The following SPEF2 variants were observed in gnomAD, a reference collection of about 807,000 sequenced individuals.
The protein encoded by SPEF2 is sperm flagella and cilia-associated protein 2.
A neutral mutation model predicts 224.6 loss-of-function variants in SPEF2; 187 were observed. That is an observed-to-expected ratio of 0.83 (90% CI 0.74 to 0.94). The LOEUF is 0.94. Ranked by LOEUF, SPEF2 falls within the 40% of genes least tolerant of loss-of-function variation. The pLI, the probability that SPEF2 is intolerant of heterozygous loss-of-function variation, is 0.00. For synonymous variants in SPEF2, 715 were observed against 707.3 expected (o/e 1.01, Z -0.17); for missense variants, 2,170 against 2,135.6 (o/e 1.02, Z -0.32).
At chr5:35,782,767 T>A (rs900928722) in intron 30 of SPEF2, among the ~76,000 whole-genome samples, 3 of 151,548 alleles carry the variant, frequency 2.0e-5, no homozygotes, top group Admixed American at 2.0e-4. Flanking sequence ...TAGCCCTTAC[T>A]AAAGATAACA....
chr5:35,764,403 G>A, intron 26 of SPEF2: 1 of 361,942 alleles, frequency 2.8e-6, no homozygotes, highest in East Asian at 7.3e-5. Context: ...TGACTTCAAA[G>A]CTTATATCAT....
chr5:35,764,669 G>A (rs1751851492), intron 26 of SPEF2: 2 of 456,088 alleles, frequency 4.4e-6, no homozygotes, highest in South Asian at 3.1e-5. Context: ...AGTGGTAGAA[G>A]AGGACCTTGC....
At chr5:35,730,622 A>G (rs1270759261) in intron 21 of SPEF2, among the ~76,000 whole-genome samples, 1 of 152,250 alleles carries the variant, frequency 6.6e-6, no homozygotes, top group Non-Finnish European at 1.5e-5. Flanking sequence ...AGAGGGGGCT[A>G]TGGAGGACTT....
chr5:35,662,758 G>C (rs901637291), intron 8 of SPEF2, among the ~76,000 whole-genome samples: 1 of 152,148 alleles, frequency 6.6e-6, no homozygotes, highest in African/African-American at 2.4e-5. Flanking sequence ...TCTTATTTCT[G>C]GGTTCTCTAT....
At chr5:35,777,664 C>CAAATAAAT (rs35899152) in intron 29 of SPEF2, among the ~76,000 whole-genome samples, 8,987 of 143,952 alleles carry the variant, frequency 0.062, 398 homozygotes, top group East Asian at 0.15. Flanking sequence ...AAATGTGATA[C>CAAATAAAT]AAATAAATAA....
At chr5:35,721,002 A>T (rs1263230689) in intron 20 of SPEF2, among the ~76,000 whole-genome samples, 2 of 152,244 alleles carry the variant, frequency 1.3e-5, no homozygotes, top group Non-Finnish European at 2.9e-5. Flanking sequence ...ATTTTAAAGA[A>T]GCAAAAACCT....
At position 35,731,770 on chromosome 5, in the gene SPEF2, C is replaced by T. The variant is rs80202876; in HGVS notation, c.3063+3947C>T. The stretch of plus-strand genomic sequence containing the variant: ...TGAATTCCTACTATGATTTTGTGTT[C>T]CCTAACAAAGGGAAAACTATTTAAT... On this transcript the variant is annotated intron_variant, in intron 21 of 36. Transcript: ENST00000356031. Among the ~76,000 whole-genome samples the T allele has an allele frequency of 3.4e-4, 51 of 152,224 alleles. No individual in the cohort carries two copies. In the East Asian group the frequency reaches 9.7e-3, roughly 29 times the overall value.
intron 26 of SPEF2, among the ~76,000 whole-genome samples, chr5:35,767,838 T>C (rs186405713): frequency 3.3e-5 from 5 of 152,238 alleles, no homozygotes; most frequent in African/African-American, 1.2e-4. Context: ...GGGGTTAGTG[T>C]GATGATCTCC....
chr5:35,664,851 C>G (rs968969527), intron 8 of SPEF2, among the ~76,000 whole-genome samples: 1 of 94,814 alleles, frequency 1.1e-5, no homozygotes, highest in Non-Finnish European at 2.2e-5. Context: ...AGAGAGAAAA[C>G]GAGGGAGGAG....
In SPEF2 at chr5:35,788,131, C is replaced by T. The variant is rs115547834; in HGVS notation, c.4448-4209C>T. ...AATTTCTCAATGCACATCATCTCAG[C>T]GAGGCTCATGCCAAGGCCTCATTAA... On this transcript the variant is annotated intron_variant, in intron 30 of 36. Transcript: ENST00000356031. The T allele has an allele frequency of 4.0e-3, 2,821 of 702,880 alleles. 48 individuals carry two copies. In the African/African-American group the frequency reaches 0.042, roughly 11 times the overall value. 43.5% of individuals were successfully genotyped at this position (702,880 alleles called of 1,614,324 possible).
At chr5:35,709,194 G>C in intron 19 of SPEF2, 73 bp downstream of exon 19, 1 of 1,578,388 alleles carries the variant, frequency 6.3e-7, no homozygotes. Context: ...ATAAATTATA[G>C]TCTATCTACA....
At chr5:35,701,401 G>A (rs1352552257) in intron 16 of SPEF2, among the ~76,000 whole-genome samples, 1 of 152,118 alleles carries the variant, frequency 6.6e-6, no homozygotes, top group Non-Finnish European at 1.5e-5. Context: ...TGATAACATG[G>A]CTCATTGTAT....
intron 23 of SPEF2, among the ~76,000 whole-genome samples, chr5:35,748,902 A>C (rs768260110): frequency 8.9e-4 from 135 of 152,326 alleles, no homozygotes; most frequent in Non-Finnish European, 1.5e-3. Context: ...ACAGACCGAT[A>C]TCCTTGATAA....
At chr5:35,674,615 A>G (rs922547043) in intron 10 of SPEF2, among the ~76,000 whole-genome samples, 9 of 142,860 alleles carry the variant, frequency 6.3e-5, no homozygotes, top group Non-Finnish European at 1.2e-4. Context: ...CCTATGAGTG[A>G]GAACATGTGG....
intron 25 of SPEF2, 52 bp from the exon 26 acceptor site, chr5:35,763,470 G>T (rs1751628305): frequency 1.4e-6 from 2 of 1,480,050 alleles, no homozygotes; most frequent in South Asian, 1.4e-5. Context: ...CACAAAAACA[G>T]AATTTTGTTA....
chr5:35,686,974 A>G (rs1753722502), intron 10 of SPEF2, among the ~76,000 whole-genome samples: 1 of 151,918 alleles, frequency 6.6e-6, no homozygotes, highest in Admixed American at 6.6e-5. Flanking sequence ...GATGTGCAGA[A>G]GATTTTATTT....
intron 1 of SPEF2, among the ~76,000 whole-genome samples, chr5:35,625,439 T>C (rs953229370): frequency 6.6e-6 from 1 of 152,210 alleles, no homozygotes; most frequent in Non-Finnish European, 1.5e-5. Context: ...TCCCCAGTTA[T>C]TCCTGGGCTA....
chr5:35,629,409 A>G (rs112159620), intron 2 of SPEF2, among the ~76,000 whole-genome samples: 3,044 of 151,652 alleles, frequency 0.02, 98 homozygotes, highest in African/African-American at 0.071. Flanking sequence ...CACTTGTCTC[A>G]GCCTCCTAAA....
chr5:35,644,196 T>G (rs1747020451), intron 3 of SPEF2, among the ~76,000 whole-genome samples, 159 bp from the exon 4 acceptor site: 1 of 152,176 alleles, frequency 6.6e-6, no homozygotes, highest in Non-Finnish European at 1.5e-5. Flanking sequence ...TTACATCAAT[T>G]AAGAATATGA....
Sources: allele counts gnomAD v4.1 joint callset (sites outside exome capture counted in the v4.1 genomes callset), GRCh38; gene constraint gnomAD v4.1.1; transcripts MANE v1.5; gene names NCBI Gene and HGNC (gene_info 2026-07-23, HGNC 2026-07-21).